ADAMTS20: variants seen among roughly 807,000 people sequenced by gnomAD.
ADAMTS20 encodes the protein ADAM metallopeptidase with thrombospondin type 1 motif 20, also known as A disintegrin and metalloproteinase with thrombospondin motifs 20.
ADAMTS20 carries 225 observed loss-of-function variants against 260.1 expected under a neutral mutation model. That is an observed-to-expected ratio of 0.87 (90% CI 0.78 to 0.97). The LOEUF (loss-of-function observed/expected upper bound fraction) is 0.97. ADAMTS20 is among the 50% of genes least tolerant of loss of function. The pLI is 0.00. For missense variants in ADAMTS20, 2,400 were observed against 2,337.7 expected, an observed-to-expected ratio of 1.03 and a Z score of -0.55; for synonymous variants, 802 against 769.5, an observed-to-expected ratio of 1.04 and a Z score of -0.70.
intron 3 of ADAMTS20, among the ~76,000 whole-genome samples, chr12:43,514,177 C>A (rs966758598): frequency 4.6e-5 from 7 of 151,208 alleles, no homozygotes; most frequent in Admixed American, 1.3e-4. Context: ...GTCTTGAAAT[C>A]CTGGGCTCAA....
Position 43,369,277 on chromosome 12 carries a change from A to C in ADAMTS20, c.5538+13T>G. 6.8e-7 allele frequency: 1 copy of C among 1,461,548 alleles called. No homozygotes were observed. The highest frequency in any genetic ancestry group is 9.1e-7 in the Non-Finnish European group (1 of 1,102,666). 90.5% of individuals were successfully genotyped at this position (1,461,548 alleles called of 1,614,324 possible). A position where few individuals can be genotyped will look rare whatever the true frequency, so the allele number is the denominator to read the frequency against. Reference sequence around the variant, plus strand: ...CACAAAGAAAGAAAATTAATCAAACAAATATGAAATACCTGTGGGCATCTG... The same window carrying C: ...CACAAAGAAAGAAAATTAATCAAACCAATATGAAATACCTGTGGGCATCTG... On this transcript the variant is annotated intron_variant, in intron 37 of 38. Coordinates refer to ENST00000389420, the MANE Select transcript of ADAMTS20 (RefSeq NM_025003.5).
intron 3 of ADAMTS20, among the ~76,000 whole-genome samples, chr12:43,513,644 A>G (rs1942955464): frequency 6.6e-6 from 1 of 152,146 alleles, no homozygotes; most frequent in East Asian, 1.9e-4. Context: ...CACAGTAGCA[A>G]AGACTTGGAA....
intron 29 of ADAMTS20, among the ~76,000 whole-genome samples, chr12:43,390,753 C>G (rs867049081): frequency 2.6e-5 from 4 of 152,206 alleles, no homozygotes; most frequent in Non-Finnish European, 4.4e-5. Flanking sequence ...CTGTTTGCAA[C>G]TACTTAGGTA....
At chr12:43,490,330 A>C (rs1942581783) in intron 7 of ADAMTS20, 65 bp downstream of exon 7, 1 of 837,446 alleles carries the variant, frequency 1.2e-6, no homozygotes, top group Non-Finnish European at 1.7e-6. Flanking sequence ...AAATAGCCTA[A>C]ACATTATTGT....
intron 28 of ADAMTS20, among the ~76,000 whole-genome samples, chr12:43,406,455 T>C (rs1940921819): frequency 2.0e-5 from 3 of 152,124 alleles, no homozygotes; most frequent in Non-Finnish European, 4.4e-5. Context: ...TTTAGAACAC[T>C]ATTATGAAAT....
intron 37 of ADAMTS20, among the ~76,000 whole-genome samples, chr12:43,367,129 A>T (rs1940003705): frequency 6.6e-6 from 1 of 151,936 alleles, no homozygotes; most frequent in Admixed American, 6.6e-5. Context: ...CAAACATATA[A>T]AGAATAATTT....
chr12:43,461,736 C>T (rs1292884989), intron 11 of ADAMTS20, among the ~76,000 whole-genome samples: 2 of 151,972 alleles, frequency 1.3e-5, no homozygotes, highest in East Asian at 1.9e-4. Flanking sequence ...ACAAATACCA[C>T]CTCTTACTCA....
Position 43,432,473 on chromosome 12 carries a change from T to TAAAA in ADAMTS20, c.2932-6_2932-5insTTTT. 1 of 1,579,184 alleles carries TAAAA rather than the reference T, an allele frequency of 6.3e-7. No individual in the cohort carries two copies. On this transcript the variant is annotated splice_region_variant and splice_polypyrimidine_tract_variant and intron_variant, in intron 20 of 38. Transcript: ENST00000389420. ...TCCTCCACAACTCCTGGAACACTGA[T>TAAAA]TAAAAAAAAAAAAGTGGTAACTAAT...
rs932574466 is a variant in ADAMTS20 at position 43,399,146 on chromosome 12, T to G, written c.4372A>C (p.Ser1458Arg). 1 of 1,560,750 alleles carries G rather than the reference T, an allele frequency of 6.4e-7. No individual in the cohort carries two copies. The highest frequency in any genetic ancestry group is 8.7e-7 in the Non-Finnish European group (1 of 1,151,002). Residue 1458 changes from serine (S) to arginine (R), a missense_variant, in exon 29 of 39, where the codon AGT (serine) becomes CGT (arginine). By Grantham distance (110) the Ser-to-Arg change is moderately radical. Coordinates refer to ENST00000389420, the MANE Select transcript of ADAMTS20 (RefSeq NM_025003.5). Reference sequence around the variant, plus strand: ...TGAGTTGGAGGTTTCTGTACTTGACTGCAATTTGTGTCTTCTAATTTCCTT... The same window carrying G: ...TGAGTTGGAGGTTTCTGTACTTGACGGCAATTTGTGTCTTCTAATTTCCTT... ...FQRKLEDTNC[S>R]QVQKPPTHKA...
At chr12:43,397,013 G>T (rs1030104687) in intron 29 of ADAMTS20, among the ~76,000 whole-genome samples, 10 of 152,152 alleles carry the variant, frequency 6.6e-5, no homozygotes, top group African/African-American at 2.4e-4. Context: ...TTCATATTCA[G>T]TGCCTTTACA....
rs748611671 is a variant in ADAMTS20 at position 43,452,360 on chromosome 12, A to G, written c.1993T>C (p.Tyr665His). Residue 665 changes from tyrosine to histidine, a missense_variant, in exon 14 of 39, where the codon TAT becomes CAT. Coordinates refer to ENST00000389420, the MANE Select transcript of ADAMTS20 (RefSeq NM_025003.5). ...ACCATATCCTTCAATAGGTAGAAATAATTGGTTCCAGCAACCTGACAATAG... is the reference window on the plus strand; with the variant it reads ...ACCATATCCTTCAATAGGTAGAAATGATTGGTTCCAGCAACCTGACAATAG... ...KLYCQVAGTN[Y>H]FYLLKDMVED... 1 of 1,613,442 alleles carries G rather than the reference A, an allele frequency of 6.2e-7. No individual in the cohort carries two copies. The highest frequency in any genetic ancestry group is 1.1e-5 in the South Asian group (1 of 91,030).
chr12:43,547,584 G>C (rs67715439), intron 2 of ADAMTS20, among the ~76,000 whole-genome samples: 17,327 of 152,182 alleles, frequency 0.11, 1,371 homozygotes, highest in African/African-American at 0.22. Context: ...TCGACAAAGA[G>C]AGGAACTGAA....
At chr12:43,520,291 T>A (rs1004871977) in intron 3 of ADAMTS20, among the ~76,000 whole-genome samples, 1 of 152,110 alleles carries the variant, frequency 6.6e-6, no homozygotes, top group Admixed American at 6.6e-5. Context: ...AGTTTTAACA[T>A]CATGTATCAT....
At chr12:43,392,115 GAAT>G (rs1940608745) in intron 29 of ADAMTS20, among the ~76,000 whole-genome samples, 1 of 152,016 alleles carries the variant, frequency 6.6e-6, no homozygotes, top group African/African-American at 2.4e-5. Flanking sequence ...TTTGTGTAGA[GAAT>G]AATAATTTCA....
intron 2 of ADAMTS20, among the ~76,000 whole-genome samples, chr12:43,534,810 T>C (rs1326623970): frequency 6.6e-6 from 1 of 152,210 alleles, no homozygotes; most frequent in Non-Finnish European, 1.5e-5. Context: ...GCCTGGTTAC[T>C]ACTGAAAAAA....
chr12:43,456,376 C>A (rs1205271507), intron 11 of ADAMTS20, among the ~76,000 whole-genome samples: 2 of 152,194 alleles, frequency 1.3e-5, no homozygotes, highest in South Asian at 2.1e-4. Context: ...AACAACAAAA[C>A]CTTTCTTAGA....
chr12:43,550,908 C>A lies in ADAMTS20; in HGVS notation c.453+1G>T, dbSNP rs752026142. 5.8e-6 allele frequency: 9 copies of A among 1,548,912 alleles called. No individual in the cohort carries two copies. The Admixed American group carries it at 1.7e-4, about 29-fold the overall frequency. On this transcript the variant is annotated splice_donor_variant, in intron 2 of 38. Transcript: ENST00000389420. LOFTEE classifies it high-confidence loss of function. ...ATGCCAAGGGACCCGAGGACACTCA[C>A]CAGGCCTCCGCATAAGCTGACGACG...
At chr12:43,445,587 G>A (rs2137336857) in intron 15 of ADAMTS20, among the ~76,000 whole-genome samples, 1 of 152,206 alleles carries the variant, frequency 6.6e-6, no homozygotes, top group Non-Finnish European at 1.5e-5. Context: ...GTTCATGCTT[G>A]TAATTTCAGG....
chr12:43,383,685 T>C lies in ADAMTS20; in HGVS notation c.4670A>G (p.Glu1557Gly). The part of the protein sequence containing the change: ...CERKDSHQRM[E>G]CTDNQIRQVN... ...TTGTCTGATTTGGTTATCTGTGCAC[T>C]CCATTCGTTGATGTGAATCTTTTCT... is the stretch of plus-strand genomic sequence containing the variant. Residue 1557 changes from glutamate to glycine, a missense_variant, in exon 31 of 39, where the codon GAG becomes GGG. Transcript: ENST00000389420. 1 of 1,613,890 alleles carries C rather than the reference T, an allele frequency of 6.2e-7. No homozygotes were observed. Among genetic ancestry groups the C allele is most frequent in the Non-Finnish European group, 8.5e-7 (1 of 1,179,806 alleles).
Sources: gnomAD v4.1 joint callset for allele counts (sites outside exome capture counted in the v4.1 genomes callset) on GRCh38, gnomAD v4.1.1 for gene constraint, MANE v1.5 for transcripts, NCBI Gene and HGNC (gene_info 2026-07-23, HGNC 2026-07-21) for gene names.